The following HECTD4 variants were observed in gnomAD, a reference collection of about 807,000 sequenced individuals.
HECTD4 encodes the protein HECT domain E3 ubiquitin protein ligase 4, also known as probable E3 ubiquitin-protein ligase HECTD4.
Under a neutral mutation model 471.5 loss-of-function variants are expected in HECTD4, and 114 were observed. The observed-to-expected ratio is 0.24, with a 90% CI of 0.21 to 0.28. The LOEUF (loss-of-function observed/expected upper bound fraction) is 0.28. Among genes scored for constraint, HECTD4 ranks in the 10% least tolerant of loss-of-function variants. The pLI is 1.00. For missense variants in HECTD4, 3,866 were observed against 5,651.5 expected (o/e 0.68, Z 10.13); for synonymous variants, 2,012 against 2,256.0 (o/e 0.89, Z 3.07).
intron 55 of HECTD4, among the ~76,000 whole-genome samples, chr12:112,198,630 A>T (rs2032320926): frequency 6.6e-6 from 1 of 152,132 alleles, no homozygotes. Flanking sequence ...AGGAAAAAGG[A>T]TGGTTTGTGG....
Position 112,185,463 on chromosome 12 carries a change from G to C in HECTD4, c.9503C>G (p.Ala3168Gly). 6.4e-7 allele frequency: 1 copy of C among 1,566,908 alleles called. No homozygotes were observed. The highest frequency in any genetic ancestry group is 8.7e-7 in the Non-Finnish European group (1 of 1,154,552). Residue 3168 changes from alanine to glycine, a missense_variant, in exon 61 of 76, where the codon GCC becomes GGC. Physicochemically the swap from Ala to Gly is moderately conservative, Grantham distance 60. Coordinates refer to ENST00000682272, the MANE Select transcript of HECTD4 (RefSeq NM_001388303.1). ...GNFLWTTDMAACVKELVFHLL... is the reference protein window; with the variant it reads ...GNFLWTTDMAGCVKELVFHLL... Reference sequence around the variant, plus strand: ...ATGGAAAACAAGCTCCTTCACGCAGGCTGCCATGTCCGTGGTCCACAAGAA... The same window carrying C: ...ATGGAAAACAAGCTCCTTCACGCAGCCTGCCATGTCCGTGGTCCACAAGAA...
In HECTD4 at chr12:112,168,013, T is replaced by C. The variant is rs542090014; in HGVS notation, c.12209-96A>G. The C allele has an allele frequency of 1.1e-4, 109 of 975,478 alleles. 1 individual carries two copies. The African/African-American group carries it at 1.6e-3, about 15-fold the overall frequency. 60.4% of individuals were successfully genotyped at this position (975,478 alleles called of 1,614,324 possible). ...ACCTGCTGGCTGGAGCGGCTACTCCTTCCACGGCCTACCTGCCGCTGTGGC... is the reference window on the plus strand; with the variant it reads ...ACCTGCTGGCTGGAGCGGCTACTCCCTCCACGGCCTACCTGCCGCTGTGGC... On this transcript the variant is annotated intron_variant, in intron 70 of 75. Transcript: ENST00000682272.
At chr12:112,284,090 C>T (rs2034699722) in intron 7 of HECTD4, among the ~76,000 whole-genome samples, 1 of 151,846 alleles carries the variant, frequency 6.6e-6, no homozygotes, top group Non-Finnish European at 1.5e-5. Flanking sequence ...TTACTATTTC[C>T]TTTGTCTTAA....
chr12:112,210,353 A>G, intron 49 of HECTD4, 101 bp from the exon 50 acceptor site: 1 of 1,236,170 alleles, frequency 8.1e-7, no homozygotes, highest in Non-Finnish European at 1.2e-6. Context: ...TTGGAAGAAT[A>G]GCCCGAGGTG....
chr12:112,241,870 T>C (rs1247076967), intron 32 of HECTD4, among the ~76,000 whole-genome samples: 1 of 152,000 alleles, frequency 6.6e-6, no homozygotes, highest in African/African-American at 2.4e-5. Context: ...TCTCAAGATT[T>C]CTCAAGATAC....
At chr12:112,247,590 C>A in intron 27 of HECTD4, 40 bp from the exon 28 acceptor site, 3 of 994,474 alleles carry the variant, frequency 3.0e-6, no homozygotes, top group South Asian at 3.6e-5. Flanking sequence ...CTGCAAGAAC[C>A]AAGTTTTACT....
rs572698210 is a variant in HECTD4 at position 112,346,497 on chromosome 12, C to T, written c.178-26755G>A. On this transcript the variant is annotated intron_variant, in intron 1 of 75. Transcript: ENST00000682272. Reference sequence around the variant, plus strand: ...CTCAAACTTTTTATTTAGGATGAAGCCTATTACTACATATAAACTGGCTCT... The same window carrying T: ...CTCAAACTTTTTATTTAGGATGAAGTCTATTACTACATATAAACTGGCTCT... Among the ~76,000 whole-genome samples, 5 of 152,246 alleles carry T rather than the reference C, an allele frequency of 3.3e-5. No homozygotes were observed. In the East Asian group the frequency reaches 7.7e-4, roughly 23 times the overall value.
intron 7 of HECTD4, among the ~76,000 whole-genome samples, chr12:112,304,803 A>G (rs777362275): frequency 1.3e-5 from 2 of 152,350 alleles, no homozygotes; most frequent in South Asian, 2.1e-4. Context: ...GTGAGATTCA[A>G]TAGAAAAATA....
intron 7 of HECTD4, among the ~76,000 whole-genome samples, chr12:112,293,329 C>G (rs2034934994): frequency 7.0e-6 from 1 of 143,248 alleles, no homozygotes; most frequent in African/African-American, 2.6e-5. Flanking sequence ...CGCACCATTG[C>G]ACTCCAGCCT....
At chr12:112,304,304 G>A (rs980225072) in intron 7 of HECTD4, among the ~76,000 whole-genome samples, 4 of 143,986 alleles carry the variant, frequency 2.8e-5, no homozygotes, top group Admixed American at 1.5e-4. Context: ...GAGCACACTG[G>A]TACAATCAGG....
intron 55 of HECTD4, among the ~76,000 whole-genome samples, chr12:112,195,300 C>T (rs2032203416): frequency 6.6e-6 from 1 of 152,278 alleles, no homozygotes; most frequent in Admixed American, 6.5e-5. Flanking sequence ...AATAAAAATA[C>T]ATGTCCGCAC....
chr12:112,362,817 TG>T (rs1008780783), intron 1 of HECTD4, among the ~76,000 whole-genome samples: 1 of 152,070 alleles, frequency 6.6e-6, no homozygotes, highest in Admixed American at 6.6e-5. Context: ...TCCTCCTGCC[TG>T]AGCCTCTAGA....
Position 112,228,089 on chromosome 12 carries a change from C to T in HECTD4, c.6854G>A (p.Arg2285Lys), listed in dbSNP as rs1235937211. Reference protein sequence around the residue: ...VVRLLAEIRTRACLVMAQLLE... With the variant: ...VVRLLAEIRTKACLVMAQLLE... ...AAGGCAATGTGGGGAGGGTACTCAC[C>T]TTGTCCTTATTTCAGCAAGGAGCCG... The change falls in exon 43 of 76, where the codon AGA becomes AAA. Residue 2285 changes from arginine to lysine, a missense_variant and splice_region_variant. Physicochemically the swap from Arg to Lys is conservative, Grantham distance 26. Transcript: ENST00000682272. This position sits in a 1 kb window ranked among gnomAD's most constrained non-coding sequence, Gnocchi z 4.9. 3 of 1,609,870 alleles carry T rather than the reference C, an allele frequency of 1.9e-6. No homozygotes were observed. The highest frequency in any genetic ancestry group is 1.7e-4 in the Middle Eastern group (1 of 5,830).
intron 72 of HECTD4, 134 bp from the exon 73 acceptor site, chr12:112,164,409 G>T: frequency 1.1e-6 from 1 of 911,778 alleles, no homozygotes; most frequent in Non-Finnish European, 1.6e-6. Flanking sequence ...ATGTGACACA[G>T]CTTTCGCCAA....
rs77079335 is a variant in HECTD4 at position 112,269,531 on chromosome 12, C to T, written c.2321+173G>A. On this transcript the variant is annotated intron_variant, in intron 13 of 75. Transcript: ENST00000682272. ...ATGCAGGTACACAGTTGGCTTTGGT[C>T]CTCTGAAGGTGGGGCCACAAACCCC... Among the ~76,000 whole-genome samples, 75 of 152,288 alleles carry T rather than the reference C, an allele frequency of 4.9e-4. 1 individual carries two copies. The East Asian group carries it at 0.013, about 27-fold the overall frequency.
At chr12:112,318,884 T>C (rs2035536608) in intron 2 of HECTD4, among the ~76,000 whole-genome samples, 1 of 152,224 alleles carries the variant, frequency 6.6e-6, no homozygotes, top group Non-Finnish European at 1.5e-5. Context: ...CTAGGAGAAG[T>C]AGACATAACA....
intron 65 of HECTD4, 70 bp downstream of exon 65, chr12:112,176,526 C>T: frequency 9.0e-7 from 1 of 1,106,038 alleles, no homozygotes; most frequent in South Asian, 1.3e-5. Context: ...AGGCCTGCTC[C>T]TCGGGGGGTG....
intron 24 of HECTD4, 34 bp from the exon 25 acceptor site, chr12:112,250,411 C>T (rs1221845580): frequency 1.4e-6 from 2 of 1,452,140 alleles, no homozygotes; most frequent in East Asian, 4.5e-5. Context: ...TTCACTTCCT[C>T]TCTCAACAAG....
rs1435780165 is a variant in HECTD4 at position 112,305,766 on chromosome 12, T to C, written c.1335+298A>G. Among the ~76,000 whole-genome samples the C allele has an allele frequency of 2.0e-5, 3 of 152,234 alleles. No individual in the cohort carries two copies. In the East Asian group the frequency reaches 5.8e-4, roughly 29 times the overall value. On this transcript the variant is annotated intron_variant, in intron 7 of 75. Transcript: ENST00000682272. ...TGTAGACCCATTCTTGCTACTGTAATGTTGCCCCACATTTCCAACAGACTG... is the reference window on the plus strand; with the variant it reads ...TGTAGACCCATTCTTGCTACTGTAACGTTGCCCCACATTTCCAACAGACTG...
Sources: gnomAD v4.1 joint callset for allele counts (sites outside exome capture counted in the v4.1 genomes callset) on GRCh38, gnomAD v4.1.1 for gene constraint, Gnocchi (gnomAD v3.1) non-coding constraint, MANE v1.5 for transcripts, NCBI Gene and HGNC (gene_info 2026-07-23, HGNC 2026-07-21) for gene names.